Variants in ELAC1 observed in about 807,000 individuals in gnomAD.
The protein encoded by ELAC1 is zinc phosphodiesterase ELAC protein 1.
ELAC1 carries 19 observed loss-of-function variants against 25.8 expected under a neutral mutation model. That is an observed-to-expected ratio of 0.74 (90% CI 0.51 to 1.08). ELAC1 has a LOEUF of 1.08. Among genes scored for constraint, ELAC1 ranks in the 50% least tolerant of loss-of-function variants. The pLI, the probability that ELAC1 is intolerant of heterozygous loss-of-function variation, is 0.00. For synonymous variants in ELAC1, 148 were observed against 160.9 expected (o/e 0.92, Z 0.61); for missense variants, 403 against 434.6 (o/e 0.93, Z 0.65).
Position 50,987,647 on chromosome 18 carries a change from A to G in ELAC1, c.*562A>G, listed in dbSNP as rs1221231047. On this transcript the variant is annotated 3_prime_UTR_variant, in exon 4 of 4. Coordinates refer to ENST00000269466, the MANE Select transcript of ELAC1 (RefSeq NM_018696.3). Reference sequence around the variant, plus strand: ...AAACTTTCTATTTGGGTCTTAACCCATGGTTCTCAGCTGGGGTGACACTGC... The same window carrying G: ...AAACTTTCTATTTGGGTCTTAACCCGTGGTTCTCAGCTGGGGTGACACTGC... 6.6e-6 allele frequency: 1 copy of G among 152,242 alleles called. No individual in the cohort carries two copies. The highest frequency in any genetic ancestry group is 2.4e-5 in the African/African-American group (1 of 41,462). The allele number at this position is 152,242 out of a possible 1,614,324, so 9.4% of individuals were successfully genotyped here.
chr18:50,973,684 T>C (rs1369055708), intron 1 of ELAC1, among the ~76,000 whole-genome samples: 1 of 152,200 alleles, frequency 6.6e-6, no homozygotes, highest in Non-Finnish European at 1.5e-5. Flanking sequence ...GAGTTGTTGT[T>C]GTTTAGTGTT....
At chr18:50,974,121 GA>G (rs1907731890) in intron 1 of ELAC1, among the ~76,000 whole-genome samples, 1 of 152,156 alleles carries the variant, frequency 6.6e-6, no homozygotes, top group Non-Finnish European at 1.5e-5. Flanking sequence ...GCCTTTTTGA[GA>G]ACATCATATA....
rs1014406057 is a variant in ELAC1, at chr18:50,984,251, C to T, written c.313C>T (p.Arg105Ter). The T allele has an allele frequency of 6.8e-6, 11 of 1,613,980 alleles. No homozygotes were observed. The highest frequency in any genetic ancestry group is 3.3e-4 in the Middle Eastern group (2 of 6,084). Residue 105 changes from arginine to a stop codon, truncating the protein, a stop_gained, in exon 3 of 4, where the codon CGA becomes TGA. Transcript: ENST00000269466. LOFTEE classifies it high-confidence loss of function. Reference sequence around the variant, plus strand: ...TGTAGGGCTTCGGGACTTTATCTGGCGAACCATGGAACTCTCTCACACGGA... The same window carrying T: ...TGTAGGGCTTCGGGACTTTATCTGGTGAACCATGGAACTCTCTCACACGGA... ...GPVGLRDFIW[R>*]TMELSHTELV...
intron 1 of ELAC1, 136 bp from the exon 2 acceptor site, chr18:50,974,261 T>C (rs1907735756): frequency 1.9e-5 from 11 of 589,850 alleles, no homozygotes; most frequent in Middle Eastern, 4.9e-4. Context: ...ACTGTGGATA[T>C]GTGTGGAATA....
intron 1 of ELAC1, among the ~76,000 whole-genome samples, chr18:50,973,968 A>G (rs938281268): frequency 1.3e-5 from 2 of 152,216 alleles, no homozygotes; most frequent in African/African-American, 4.8e-5. Context: ...CAGTTGACCA[A>G]TGTATAATGA....
In ELAC1 at chr18:50,984,457, T is replaced by C; in HGVS notation, c.519T>C (p.Phe173=). The C allele has an allele frequency of 6.2e-7, 1 of 1,614,196 alleles. No individual in the cohort carries two copies. Reference sequence around the variant, plus strand: ...ACCTTCTGTTTGATGATGAACAATTTGTTGTAAAAGCATTTCGCCTCTTTC... The same window carrying C: ...ACCTTCTGTTTGATGATGAACAATTCGTTGTAAAAGCATTTCGCCTCTTTC... ...NSYLLFDDEQ[F]VVKAFRLFHR... The change falls in exon 3 of 4, where the codon TTT becomes TTC. Residue 173 remains phenylalanine, a synonymous_variant. Transcript: ENST00000269466.
At chr18:50,976,923 G>A (rs1907808730) in intron 2 of ELAC1, among the ~76,000 whole-genome samples, 1 of 152,142 alleles carries the variant, frequency 6.6e-6, no homozygotes, top group Non-Finnish European at 1.5e-5. Context: ...GGGGCTATAG[G>A]CCCCACGCAA....
intron 2 of ELAC1, 42 bp from the exon 3 acceptor site, chr18:50,984,053 TA>T: frequency 7.3e-7 from 1 of 1,372,268 alleles, no homozygotes; most frequent in African/African-American, 1.4e-5. Flanking sequence ...GGTTTTTAGT[TA>T]ATGAAAAATT....
At position 50,984,088 on chromosome 18, in the gene ELAC1, A is replaced by G. The variant is rs779611172; in HGVS notation, c.158-8A>G. 2 of 1,560,998 alleles carry G rather than the reference A, an allele frequency of 1.3e-6. No homozygotes were observed. The highest frequency in any genetic ancestry group is 1.7e-6 in the Non-Finnish European group (2 of 1,154,522). On this transcript the variant is annotated splice_region_variant and splice_polypyrimidine_tract_variant and intron_variant, in intron 2 of 3. Coordinates refer to ENST00000269466, the MANE Select transcript of ELAC1 (RefSeq NM_018696.3). ...TTTCCAAACGTATTTCTCTATCTCA[A>G]TCAAAAGGGAGAATTACCAAGATCT... is the stretch of plus-strand genomic sequence containing the variant.
chr18:50,971,912 G>C (rs583677), intron 1 of ELAC1, among the ~76,000 whole-genome samples: 1 of 76,534 alleles, frequency 1.3e-5, no homozygotes, highest in East Asian at 5.0e-4. Flanking sequence ...GTGTGTGTGT[G>C]TATATATATA....
intron 2 of ELAC1, among the ~76,000 whole-genome samples, chr18:50,982,637 A>G (rs1172086133): frequency 6.6e-6 from 1 of 152,256 alleles, no homozygotes; most frequent in Non-Finnish European, 1.5e-5. Flanking sequence ...CAATAAATTC[A>G]GTTTACCATT....
rs769332518 is a variant in ELAC1, at chr18:50,986,761, G to T, written c.768G>T (p.Gly256=). 1 of 1,614,080 alleles carries T rather than the reference G, an allele frequency of 6.2e-7. No homozygotes were observed. The highest frequency in any genetic ancestry group is 1.3e-5 in the African/African-American group (1 of 74,928). ...RKICILGDCS[G]VVGDGGVKLC... ...TCTGCATATTGGGTGACTGCTCTGG[G>T]GTTGTGGGTGATGGAGGAGTAAAAC... The change falls in exon 4 of 4, where the codon GGG becomes GGT. Residue 256 remains glycine, a synonymous_variant. Coordinates refer to ENST00000269466, the MANE Select transcript of ELAC1 (RefSeq NM_018696.3).
chr18:50,969,720 A>G (rs912425376), intron 1 of ELAC1: 8 of 152,204 alleles, frequency 5.3e-5, no homozygotes, highest in African/African-American at 1.9e-4. Flanking sequence ...TCTTGGAGTA[A>G]TGGGGGTGGT....
chr18:50,979,959 G>A (rs986170125), intron 2 of ELAC1, among the ~76,000 whole-genome samples: 2 of 152,102 alleles, frequency 1.3e-5, no homozygotes, highest in Non-Finnish European at 2.9e-5. Flanking sequence ...TCAAACTCCT[G>A]AGCTCAGGCA....
At chr18:50,970,694 CAAAA>C (rs10643378) in intron 1 of ELAC1, among the ~76,000 whole-genome samples, 1 of 88,176 alleles carries the variant, frequency 1.1e-5, no homozygotes. Context: ...GACACATTTC[CAAAA>C]AAAAAAAAAA....
intron 3 of ELAC1, among the ~76,000 whole-genome samples, chr18:50,985,824 C>G (rs929169071): frequency 6.6e-6 from 1 of 152,104 alleles, no homozygotes; most frequent in African/African-American, 2.4e-5. Flanking sequence ...TCAGGTCTTA[C>G]TTTAAATTAA....
At chr18:50,985,406 G>A (rs79410033) in intron 3 of ELAC1, among the ~76,000 whole-genome samples, 86 of 152,306 alleles carry the variant, frequency 5.6e-4, no homozygotes, top group Middle Eastern at 3.4e-3. Context: ...AGGGTTCATC[G>A]TAGTTGAAAG....
intron 2 of ELAC1, among the ~76,000 whole-genome samples, chr18:50,980,024 C>T (rs998789051): frequency 4.6e-5 from 7 of 152,262 alleles, no homozygotes; most frequent in Middle Eastern, 6.8e-3. Context: ...GCCACTGTGC[C>T]CAGTCTATAT....
At chr18:50,973,375 T>G (rs751647745) in intron 1 of ELAC1, among the ~76,000 whole-genome samples, 7 of 152,242 alleles carry the variant, frequency 4.6e-5, no homozygotes, top group Non-Finnish European at 1.0e-4. Context: ...ATGTCAGATG[T>G]ACCTAGAAAT....
Sources: allele counts gnomAD v4.1 joint callset (sites outside exome capture counted in the v4.1 genomes callset), GRCh38; gene constraint gnomAD v4.1.1; transcripts MANE v1.5; gene names NCBI Gene and HGNC (gene_info 2026-07-23, HGNC 2026-07-21).